STPG2: variants seen among roughly 807,000 people sequenced by gnomAD.
STPG2 encodes sperm-tail PG-rich repeat-containing protein 2.
Under a neutral mutation model 54.2 loss-of-function variants are expected in STPG2, and 56 were observed. That is an observed-to-expected ratio of 1.03 (90% CI 0.83 to 1.29). STPG2 has a LOEUF of 1.29. Ranked by LOEUF, STPG2 falls within the 50% of genes most tolerant of loss-of-function variation. STPG2 has a pLI of 0.00. For missense variants in STPG2, 596 were observed against 544.9 expected (o/e 1.09, Z -0.93); for synonymous variants, 200 against 181.8 (o/e 1.10, Z -0.81).
At chr4:97,556,722 A>T (rs1732086367), downstream of STPG2, among the ~76,000 whole-genome samples, 1 of 152,210 alleles carries the variant, frequency 6.6e-6, no homozygotes, top group African/African-American at 2.4e-5. Flanking sequence ...AAATAACTAT[A>T]AAAAACTATA....
At chr4:98,102,424 C>A (rs77139725) in intron 5 of STPG2, among the ~76,000 whole-genome samples, 9,726 of 152,190 alleles carry the variant, frequency 0.064, 408 homozygotes, top group South Asian at 0.17. Context: ...ATATGACCCA[C>A]GAATTCTAAA....
chr4:97,460,359 C>A (rs1346285307), intron 4 of STPG2, among the ~76,000 whole-genome samples: 1 of 151,964 alleles, frequency 6.6e-6, no homozygotes, highest in African/African-American at 2.4e-5. Flanking sequence ...TTCCTGGAAG[C>A]TGTTTTTGTC....
At chr4:97,593,254 C>A (rs1245843031) in intron 10 of STPG2, among the ~76,000 whole-genome samples, 1 of 152,106 alleles carries the variant, frequency 6.6e-6, no homozygotes, top group Admixed American at 6.5e-5. Context: ...CACTCTTCTC[C>A]CACAGTAGCC....
chr4:97,482,735 C>A (rs1730254958), intron 4 of STPG2, among the ~76,000 whole-genome samples: 1 of 151,502 alleles, frequency 6.6e-6, no homozygotes, highest in Non-Finnish European at 1.5e-5. Flanking sequence ...GCAAAAAGAT[C>A]ATCACCTAGG....
rs1471982131 is a variant in STPG2, at chr4:98,020,057, G to A, written c.613-38739C>T. On this transcript the variant is annotated intron_variant, in intron 5 of 10. Coordinates refer to ENST00000295268, the MANE Select transcript of STPG2 (RefSeq NM_174952.3). ...TGGCCAGAACTTCCAACAGTATGTT[G>A]AATAGGAGTGGTGAGAGAGGGCATC... is the stretch of plus-strand genomic sequence containing the variant. Among the ~76,000 whole-genome samples, 2 of 121,084 alleles carry A rather than the reference G, an allele frequency of 1.7e-5. 1 individual carries two copies. The highest frequency in any genetic ancestry group is 6.6e-5 in the African/African-American group (2 of 30,352). The allele number at this position is 121,084 out of a possible 152,430, so 79.4% of individuals were successfully genotyped here. A position where few individuals can be genotyped will look rare whatever the true frequency, so the allele number is the denominator to read the frequency against.
chr4:97,577,886 A>T (rs6842706), intron 10 of STPG2, among the ~76,000 whole-genome samples: 45,165 of 152,006 alleles, frequency 0.3, 7,815 homozygotes, highest in Non-Finnish European at 0.37. Context: ...TATACAATAC[A>T]GTTAATAATG....
In STPG2 at chr4:97,966,421, G is replaced by A. The variant is rs1051323275; in HGVS notation, c.933+5859C>T. On this transcript the variant is annotated intron_variant, in intron 7 of 10. Transcript: ENST00000295268. Reference sequence around the variant, plus strand: ...GATTGTTGTACCAGAAAGTGATGAGGAGAATGGAACCAAGCTGGAAAACAC... The same window carrying A: ...GATTGTTGTACCAGAAAGTGATGAGAAGAATGGAACCAAGCTGGAAAACAC... 3.9e-5 allele frequency among the ~76,000 whole-genome samples: 6 copies of A among 152,312 alleles called. No homozygotes were observed. The East Asian group carries it at 1.2e-3, about 29-fold the overall frequency.
chr4:98,028,580 A>C (rs1040276665), intron 5 of STPG2, among the ~76,000 whole-genome samples: 1 of 152,168 alleles, frequency 6.6e-6, no homozygotes, highest in Non-Finnish European at 1.5e-5. Context: ...TGTTTAGGAT[A>C]ATTTTCTTTT....
chr4:97,850,631 A>G (rs1729129146), intron 8 of STPG2, among the ~76,000 whole-genome samples: 1 of 151,986 alleles, frequency 6.6e-6, no homozygotes, highest in African/African-American at 2.4e-5. Context: ...CAAAAAATAA[A>G]ATAAAATAAA....
At chr4:97,633,644 C>G (rs1045372020) in intron 10 of STPG2, 2 of 152,336 alleles carry the variant, frequency 1.3e-5, no homozygotes, top group Non-Finnish European at 2.9e-5. Context: ...GCGCACCGTG[C>G]GCGAGCCGAA....
chr4:97,756,744 T>G (rs539812094), intron 9 of STPG2, among the ~76,000 whole-genome samples: 3 of 152,086 alleles, frequency 2.0e-5, no homozygotes, highest in Non-Finnish European at 4.4e-5. Context: ...ATAGGAGCAT[T>G]TCTATTATTT....
chr4:98,060,993 A>G (rs1737636036), intron 5 of STPG2, among the ~76,000 whole-genome samples: 1 of 152,222 alleles, frequency 6.6e-6, no homozygotes, highest in Admixed American at 6.5e-5. Context: ...AATACCATCC[A>G]GTACATAGGA....
intron 8 of STPG2, among the ~76,000 whole-genome samples, chr4:97,929,886 A>G (rs1732477563): frequency 6.6e-6 from 1 of 151,946 alleles, no homozygotes; most frequent in Non-Finnish European, 1.5e-5. Context: ...ATCAAATCCC[A>G]TCTTCCAGTT....
intron 4 of STPG2, among the ~76,000 whole-genome samples, chr4:97,502,103 T>TA (rs1442164054): frequency 4.6e-5 from 7 of 151,862 alleles, no homozygotes; most frequent in African/African-American, 7.2e-5. Flanking sequence ...GATAATTGAA[T>TA]ATATGAAAAA....
At chr4:97,793,073 G>C (rs1727052734) in intron 9 of STPG2, among the ~76,000 whole-genome samples, 1 of 151,932 alleles carries the variant, frequency 6.6e-6, no homozygotes. Context: ...AGAATCACTG[G>C]AACCTGGGAG....
At chr4:97,729,486 C>T (rs1724730666) in intron 9 of STPG2, among the ~76,000 whole-genome samples, 1 of 152,090 alleles carries the variant, frequency 6.6e-6, no homozygotes, top group Admixed American at 6.6e-5. Context: ...TTAATTTTGT[C>T]AACGGTTATC....
intron 4 of STPG2, among the ~76,000 whole-genome samples, chr4:97,458,315 A>G (rs1186200809): frequency 1.3e-5 from 2 of 152,170 alleles, no homozygotes; most frequent in Non-Finnish European, 2.9e-5. Flanking sequence ...ATTAATATGA[A>G]CTGAAGAACA....
intron 10 of STPG2, among the ~76,000 whole-genome samples, chr4:97,643,220 C>T (rs1013047148): frequency 6.6e-6 from 1 of 151,270 alleles, no homozygotes; most frequent in Non-Finnish European, 1.5e-5. Context: ...AGAGGTTGTT[C>T]AATTTCAGTG....
chr4:97,508,611 C>T (rs1488547778), intron 4 of STPG2, among the ~76,000 whole-genome samples: 1 of 151,984 alleles, frequency 6.6e-6, no homozygotes, highest in Non-Finnish European at 1.5e-5. Context: ...TTCAGTATTA[C>T]TGTGTTATTC....
Sources: gnomAD v4.1 joint callset for allele counts (sites outside exome capture counted in the v4.1 genomes callset) on GRCh38, gnomAD v4.1.1 for gene constraint, MANE v1.5 for transcripts, NCBI Gene and HGNC (gene_info 2026-07-23, HGNC 2026-07-21) for gene names.